Variants in CAMK2D observed in about 807,000 individuals in gnomAD.
The protein encoded by CAMK2D is calcium/calmodulin dependent protein kinase II delta.
In CAMK2D, 37 loss-of-function variants were observed where a neutral mutation model predicts 84.0. That is an observed-to-expected ratio of 0.44 (90% CI 0.34 to 0.58). The LOEUF (loss-of-function observed/expected upper bound fraction) is 0.58. Among genes scored for constraint, CAMK2D ranks in the 20% least tolerant of loss-of-function variants. The probability of loss-of-function intolerance (pLI) is 0.02; values close to 1 mark genes in which losing one functional copy is unlikely to be tolerated. For missense variants in CAMK2D, 448 were observed against 652.5 expected (o/e 0.69, Z 3.41); for synonymous variants, 202 against 212.5 (o/e 0.95, Z 0.43).
intron 2 of CAMK2D, among the ~76,000 whole-genome samples, chr4:113,675,747 A>C (rs940800698): frequency 1.2e-4 from 19 of 152,228 alleles, no homozygotes; most frequent in African/African-American, 4.6e-4. Flanking sequence ...TAAAATTTGC[A>C]CATGTGCATA....
chr4:113,679,553 T>C lies in CAMK2D; in HGVS notation c.161-17781A>G, dbSNP rs143858164. 35 of 548,268 alleles carry C rather than the reference T, an allele frequency of 6.4e-5. No homozygotes were observed. In the East Asian group the frequency reaches 4.7e-3, roughly 73 times the overall value. 34.0% of individuals were successfully genotyped at this position (548,268 alleles called of 1,614,324 possible). On this transcript the variant is annotated intron_variant, in intron 2 of 20. Coordinates refer to ENST00000511664, the MANE Select transcript of CAMK2D (RefSeq NM_001321571.2). ...AGAAACCCACAGAAATAGTAAGTCA[T>C]ATCCCTTAACCATGGGTAGAGAAAA...
chr4:113,700,295 A>G (rs2099414063), intron 2 of CAMK2D, among the ~76,000 whole-genome samples: 1 of 152,198 alleles, frequency 6.6e-6, no homozygotes, highest in Admixed American at 6.6e-5. Context: ...ATATTCTACC[A>G]ATTCATAATA....
At chr4:113,547,117 C>T (rs182459099) in intron 6 of CAMK2D, among the ~76,000 whole-genome samples, 2 of 152,210 alleles carry the variant, frequency 1.3e-5, no homozygotes, top group Admixed American at 6.5e-5. Context: ...AACTAAGAGG[C>T]CTCAGTGTCC....
chr4:113,663,549 G>A (rs1486726681), intron 2 of CAMK2D, among the ~76,000 whole-genome samples: 11 of 151,396 alleles, frequency 7.3e-5, no homozygotes, highest in Admixed American at 3.3e-4. Context: ...AGAACGTGCC[G>A]CTGCACTCCA....
chr4:113,646,307 G>A (rs181321133), intron 3 of CAMK2D, among the ~76,000 whole-genome samples: 7 of 152,240 alleles, frequency 4.6e-5, no homozygotes, highest in South Asian at 2.1e-4. Flanking sequence ...CAGACTCTAC[G>A]GCAGGTGCTT....
intron 3 of CAMK2D, among the ~76,000 whole-genome samples, chr4:113,633,148 T>C (rs543701921): frequency 2.0e-4 from 30 of 152,328 alleles, no homozygotes; most frequent in Middle Eastern, 3.4e-3. Context: ...GGCCTATATG[T>C]TGAGTCTTCA....
intron 2 of CAMK2D, among the ~76,000 whole-genome samples, chr4:113,732,252 T>C (rs2099570786): frequency 6.6e-6 from 1 of 152,048 alleles, no homozygotes; most frequent in Non-Finnish European, 1.5e-5. Flanking sequence ...GCCTCCCAGG[T>C]AGCTGGAACT....
intron 3 of CAMK2D, among the ~76,000 whole-genome samples, chr4:113,648,373 T>C (rs1337791113): frequency 6.6e-6 from 1 of 152,242 alleles, no homozygotes; most frequent in East Asian, 1.9e-4. Flanking sequence ...ATTCTGTCTA[T>C]GGCCCCCTTG....
intron 2 of CAMK2D, among the ~76,000 whole-genome samples, chr4:113,668,581 T>A (rs2099266738): frequency 6.6e-6 from 1 of 152,150 alleles, no homozygotes; most frequent in African/African-American, 2.4e-5. Flanking sequence ...TCCATAAAAA[T>A]TATTTATTTT....
intron 2 of CAMK2D, among the ~76,000 whole-genome samples, chr4:113,708,436 T>C (rs993437296): frequency 6.6e-6 from 1 of 152,198 alleles, no homozygotes; most frequent in African/African-American, 2.4e-5. Flanking sequence ...AACGAGGAAC[T>C]GGTGATGTTT....
At chr4:113,611,046 TAACAC>T (rs1057021517) in intron 3 of CAMK2D, among the ~76,000 whole-genome samples, 7 of 98,648 alleles carry the variant, frequency 7.1e-5, no homozygotes, top group African/African-American at 2.7e-4. Flanking sequence ...TATATACACA[TAACAC>T]ACACACACAC....
chr4:113,674,163 T>C (rs1020850286), intron 2 of CAMK2D, among the ~76,000 whole-genome samples: 5 of 152,184 alleles, frequency 3.3e-5, no homozygotes, highest in Non-Finnish European at 7.3e-5. Flanking sequence ...AGTTGTTAAA[T>C]ATGCTTGCAT....
intron 3 of CAMK2D, among the ~76,000 whole-genome samples, chr4:113,626,157 G>A (rs1250614041): frequency 6.6e-6 from 1 of 152,134 alleles, no homozygotes; most frequent in Non-Finnish European, 1.5e-5. Flanking sequence ...GAGAGGAGAG[G>A]AGTAATGAAT....
intron 3 of CAMK2D, among the ~76,000 whole-genome samples, chr4:113,656,531 C>G (rs1179307674): frequency 6.6e-6 from 1 of 152,098 alleles, no homozygotes; most frequent in Non-Finnish European, 1.5e-5. Context: ...TTATGATACA[C>G]TTTTGCTTAA....
chr4:113,702,515 T>C (rs1284271215), intron 2 of CAMK2D, among the ~76,000 whole-genome samples: 1 of 152,170 alleles, frequency 6.6e-6, no homozygotes, highest in Non-Finnish European at 1.5e-5. Context: ...TATATAACTT[T>C]AAATCATCTG....
intron 7 of CAMK2D, among the ~76,000 whole-genome samples, chr4:113,534,259 T>G (rs910362227): frequency 6.6e-6 from 1 of 152,086 alleles, no homozygotes; most frequent in South Asian, 2.1e-4. Flanking sequence ...ATCTGGCAGC[T>G]CATCTGAAAG....
chr4:113,609,658 C>G (rs1310316299), intron 3 of CAMK2D, among the ~76,000 whole-genome samples: 1 of 152,174 alleles, frequency 6.6e-6, no homozygotes, highest in Admixed American at 6.5e-5. Flanking sequence ...TTGGTCACTA[C>G]AACAGACAGT....
chr4:113,710,368 A>T (rs2099488379), intron 2 of CAMK2D, among the ~76,000 whole-genome samples: 1 of 152,128 alleles, frequency 6.6e-6, no homozygotes. Flanking sequence ...AAGCCAAGGA[A>T]CTAAAATTAT....
chr4:113,505,588 C>CA (rs1203912810), intron 13 of CAMK2D, among the ~76,000 whole-genome samples: 2 of 138,598 alleles, frequency 1.4e-5, no homozygotes, highest in East Asian at 4.8e-4. Context: ...TAGATCTCCT[C>CA]TAAAAATTAC....
Sources: allele counts gnomAD v4.1 joint callset (sites outside exome capture counted in the v4.1 genomes callset), GRCh38; gene constraint gnomAD v4.1.1; transcripts MANE v1.5; gene names NCBI Gene and HGNC (gene_info 2026-07-23, HGNC 2026-07-21).